C4orf17: variants seen among roughly 807,000 people sequenced by gnomAD.
C4orf17 encodes the protein chromosome 4 open reading frame 17.
A neutral mutation model predicts 32.0 loss-of-function variants in C4orf17; 25 were observed. The ratio of observed to expected loss-of-function variants is 0.78; its 90% CI spans 0.57 to 1.09. The LOEUF (loss-of-function observed/expected upper bound fraction) is 1.09, where lower values mean the gene tolerates loss of function less well. Among genes scored for constraint, C4orf17 ranks in the 50% least tolerant of loss-of-function variants. C4orf17 has a pLI of 0.00. For synonymous variants in C4orf17, 149 were observed against 145.8 expected, an observed-to-expected ratio of 1.02 and a Z score of -0.16; for missense variants, 420 against 420.0, an observed-to-expected ratio of 1.00 and a Z score of 0.00.
At chr4:99,515,664 T>A (rs1304143495) in intron 2 of C4orf17, among the ~76,000 whole-genome samples, 2 of 151,936 alleles carry the variant, frequency 1.3e-5, no homozygotes, top group Non-Finnish European at 2.9e-5. Flanking sequence ...TGTACCTATC[T>A]ATGTAGCAAA....
At chr4:99,531,814 C>T (rs539962059) in intron 5 of C4orf17, among the ~76,000 whole-genome samples, 1 of 151,900 alleles carries the variant, frequency 6.6e-6, no homozygotes, top group African/African-American at 2.4e-5. Context: ...CCCGGAAATA[C>T]TGCTCATCTT....
rs1050955268 is a variant in C4orf17 at position 99,540,596 on chromosome 4, G to C, written c.880+141G>C. On this transcript the variant is annotated intron_variant, in intron 8 of 8. Coordinates refer to ENST00000326581, the MANE Select transcript of C4orf17 (RefSeq NM_032149.3). ...GTAATTTCCAGATCAATTCTTGAGA[G>C]AGCATCTGCTTACTTTCTCATAAAG... The C allele has an allele frequency of 1.4e-5, 8 of 584,314 alleles. No homozygotes were observed. In the East Asian group the frequency reaches 2.2e-4, roughly 16 times the overall value. 36.2% of individuals were successfully genotyped at this position (584,314 alleles called of 1,614,324 possible).
Position 99,540,403 on chromosome 4 carries a change from C to A in C4orf17, c.837-9C>A. On this transcript the variant is annotated splice_polypyrimidine_tract_variant and intron_variant, in intron 7 of 8. Transcript: ENST00000326581. Reference sequence around the variant, plus strand: ...GAAATTCACTTTTTTCTTTCTCCAACTGATCTAGAGTGTCAAGTCAAGGAT... The same window carrying A: ...GAAATTCACTTTTTTCTTTCTCCAAATGATCTAGAGTGTCAAGTCAAGGAT... 3 of 1,605,472 alleles carry A rather than the reference C, an allele frequency of 1.9e-6. No individual in the cohort carries two copies. The highest frequency in any genetic ancestry group is 2.6e-6 in the Non-Finnish European group (3 of 1,174,936).
rs1183939804 is a variant in C4orf17 at position 99,539,220 on chromosome 4, C to T, written c.686C>T (p.Thr229Ile). 1.2e-6 allele frequency: 2 copies of T among 1,613,966 alleles called. No homozygotes were observed. Among genetic ancestry groups the T allele is most frequent in the East Asian group, 2.2e-5 (1 of 44,890 alleles). ...GAGCTTGCCGAGATAAACCTGTTAA[C>T]TCATCACAGAAGAAACACCTCAATG... ...HSELAEINLL[T>I]HHRRNTSMEP... The change falls in exon 7 of 9, where the codon ACT becomes ATT. Residue 229 changes from threonine to isoleucine, a missense_variant. Transcript: ENST00000326581.
chr4:99,529,873 C>G lies in C4orf17; in HGVS notation c.461C>G (p.Ser154Cys), dbSNP rs145411536. The change falls in exon 5 of 9, where the codon TCC (serine) becomes TGC (cysteine). Residue 154 changes from serine to cysteine, a missense_variant. Transcript: ENST00000326581. ...SPPKACSTPG[S>C]CSSGMTSTKN... is the part of the protein sequence containing the mutation. The stretch of plus-strand genomic sequence containing the variant: ...CCAAAGGCATGCTCTACTCCTGGCT[C>G]CTGTTCTTCAGGGATGACAAGTACC... 2.1e-4 allele frequency: 344 copies of G among 1,612,616 alleles called. 3 individuals carry two copies. The highest frequency in any genetic ancestry group is 2.8e-4 in the Non-Finnish European group (333 of 1,179,460).
At chr4:99,518,359 A>G (rs1333251105) in intron 2 of C4orf17, among the ~76,000 whole-genome samples, 1 of 150,644 alleles carries the variant, frequency 6.6e-6, no homozygotes, top group Non-Finnish European at 1.5e-5. Context: ...TTGGTGGTGT[A>G]CCTGTAGTTC....
chr4:99,511,815 G>A (rs1723098126), intron 1 of C4orf17, among the ~76,000 whole-genome samples: 1 of 152,074 alleles, frequency 6.6e-6, no homozygotes. Flanking sequence ...TCCTCACTGT[G>A]ATATTCATAA....
chr4:99,513,290 C>T, intron 2 of C4orf17, 82 bp downstream of exon 2: 1 of 1,526,158 alleles, frequency 6.6e-7, no homozygotes, highest in Non-Finnish European at 9.0e-7. Flanking sequence ...AAACACAACG[C>T]TGCTATTCAA....
chr4:99,540,542 T>C, intron 8 of C4orf17, 87 bp downstream of exon 8: 11 of 865,752 alleles, frequency 1.3e-5, no homozygotes, highest in Non-Finnish European at 1.9e-5. Context: ...TAAGGATCAG[T>C]GCTTTTAAAA....
rs1723654987 is a variant in C4orf17 at position 99,541,913 on chromosome 4, C to T, written c.884C>T (p.Ala295Val). Reference sequence around the variant, plus strand: ...TAGATTTTTTTCTCTATTTCAGAGGCTGAGCACAAGCCTCCACTACTTATA... The same window carrying T: ...TAGATTTTTTTCTCTATTTCAGAGGTTGAGCACAAGCCTCCACTACTTATA... ...SEENKEVPKE[A>V]EHKPPLLIRR... The change falls in exon 9 of 9, where the codon GCT (alanine) becomes GTT (valine). Residue 295 changes from alanine (A) to valine (V), a missense_variant. Transcript: ENST00000326581. The T allele has an allele frequency of 1.9e-6, 3 of 1,610,840 alleles. No individual in the cohort carries two copies. The highest frequency in any genetic ancestry group is 1.1e-5 in the South Asian group (1 of 90,430).
At chr4:99,536,944 T>C (rs1054280734) in intron 5 of C4orf17, among the ~76,000 whole-genome samples, 13 of 152,084 alleles carry the variant, frequency 8.5e-5, no homozygotes, top group Admixed American at 3.9e-4. Context: ...TTGTAATAAT[T>C]GAACAGGCTG....
In C4orf17 at chr4:99,519,688, A is replaced by T. The variant is rs78253420; in HGVS notation, c.128-2812A>T. Among the ~76,000 whole-genome samples, 1,118 of 152,330 alleles carry T rather than the reference A, an allele frequency of 7.3e-3. 12 individuals are homozygous for T. The highest frequency in any genetic ancestry group is 0.026 in the African/African-American group (1,063 of 41,572). On this transcript the variant is annotated intron_variant, in intron 2 of 8. Coordinates refer to ENST00000326581, the MANE Select transcript of C4orf17 (RefSeq NM_032149.3). ...CTGAGCAATTGATTTCATTCAAAAG[A>T]TCATTCTAGCTGCATTGTAGAAAGT...
Position 99,529,937 on chromosome 4 carries a change from C to G in C4orf17, c.525C>G (p.Asn175Lys). 1 of 1,609,826 alleles carries G rather than the reference C, an allele frequency of 6.2e-7. No individual in the cohort carries two copies. The highest frequency in any genetic ancestry group is 8.5e-7 in the Non-Finnish European group (1 of 1,178,334). ...DVKANTICIP[N>K]YLDQEIKILA... ...AAGCAAACACCATTTGCATACCAAA[C>G]TATCTGGATCAGGAAATAAAAGTAA... is the stretch of plus-strand genomic sequence containing the variant. The change falls in exon 5 of 9, where the codon AAC (asparagine) becomes AAG (lysine). Residue 175 changes from asparagine (N) to lysine (K), a missense_variant. Coordinates refer to ENST00000326581, the MANE Select transcript of C4orf17 (RefSeq NM_032149.3).
At chr4:99,532,346 T>C (rs922495598) in intron 5 of C4orf17, among the ~76,000 whole-genome samples, 4 of 152,132 alleles carry the variant, frequency 2.6e-5, no homozygotes, top group African/African-American at 9.7e-5. Flanking sequence ...GTGGTACATA[T>C]ACACCATGGA....
intron 8 of C4orf17, 24 bp from the exon 9 acceptor site, chr4:99,541,882 CTTAT>C: frequency 6.5e-7 from 1 of 1,532,684 alleles, no homozygotes; most frequent in South Asian, 1.2e-5. Context: ...CAATTATGGT[CTTAT>C]TTAGATTTTT....
At position 99,539,357 on chromosome 4, in the gene C4orf17, G is replaced by A; in HGVS notation, c.823G>A (p.Asp275Asn). The part of the protein sequence containing the change: ...SKVLTRDTEG[D>N]QPTRVSSQGS... ...AGTGCTGACCAGAGATACAGAAGGG[G>A]ATCAACCAACCAGGTAATTAGATAT... The change falls in exon 7 of 9, where the codon GAT becomes AAT. Residue 275 changes from aspartate to asparagine, a missense_variant. Coordinates refer to ENST00000326581, the MANE Select transcript of C4orf17 (RefSeq NM_032149.3). 6.2e-7 allele frequency: 1 copy of A among 1,613,956 alleles called. No homozygotes were observed. Among genetic ancestry groups the A allele is most frequent in the Non-Finnish European group, 8.5e-7 (1 of 1,179,826 alleles).
At chr4:99,530,548 C>T (rs1723462388) in intron 5 of C4orf17, among the ~76,000 whole-genome samples, 1 of 152,002 alleles carries the variant, frequency 6.6e-6, no homozygotes, top group Admixed American at 6.6e-5. Context: ...CTTTTAATCT[C>T]TTTGGTAACC....
At chr4:99,523,115 G>T (rs893826524) in intron 3 of C4orf17, among the ~76,000 whole-genome samples, 1 of 152,054 alleles carries the variant, frequency 6.6e-6, no homozygotes, top group Non-Finnish European at 1.5e-5. Flanking sequence ...TTAAGGTCAG[G>T]CCCTGTGTTA....
chr4:99,537,731 G>A lies in C4orf17; in HGVS notation c.609G>A (p.Leu203=). 6.2e-7 allele frequency: 1 copy of A among 1,612,114 alleles called. No homozygotes were observed. Among genetic ancestry groups the A allele is most frequent in the South Asian group, 1.1e-5 (1 of 91,074 alleles). The change falls in exon 6 of 9, where the codon CTG becomes CTA. Residue 203 remains leucine (L), a synonymous_variant. Coordinates refer to ENST00000326581, the MANE Select transcript of C4orf17 (RefSeq NM_032149.3). ...TDSLAEVLQW[L]LHATSKEKEW... ...CTCTGGCAGAAGTTTTACAGTGGCTGCTTCATGCAACTTCAAAAGGTGCGA... is the reference window on the plus strand; with the variant it reads ...CTCTGGCAGAAGTTTTACAGTGGCTACTTCATGCAACTTCAAAAGGTGCGA...
Sources: gnomAD v4.1 joint callset for allele counts (sites outside exome capture counted in the v4.1 genomes callset) on GRCh38, gnomAD v4.1.1 for gene constraint, MANE v1.5 for transcripts, NCBI Gene and HGNC (gene_info 2026-07-23, HGNC 2026-07-21) for gene names.